The following GSG1L variants were observed in gnomAD, a reference collection of about 807,000 sequenced individuals.
The protein encoded by GSG1L is GSG1 like.
In GSG1L, 24 loss-of-function variants were observed where a neutral mutation model predicts 42.1. The observed-to-expected ratio is 0.57, with a 90% CI of 0.41 to 0.80. GSG1L has a LOEUF of 0.80. GSG1L is among the 30% of genes least tolerant of loss of function. The pLI, the probability that GSG1L is intolerant of heterozygous loss-of-function variation, is 0.00. For missense variants in GSG1L, 445 were observed against 472.2 expected (o/e 0.94, Z 0.53); for synonymous variants, 215 against 203.5 (o/e 1.06, Z -0.48).
intron 1 of GSG1L, among the ~76,000 whole-genome samples, chr16:28,024,663 T>C (rs569618566): frequency 6.6e-6 from 1 of 152,266 alleles, no homozygotes; most frequent in East Asian, 1.9e-4. Context: ...GCCAGCCAGG[T>C]GACCTTAAAC....
intron 3 of GSG1L, among the ~76,000 whole-genome samples, chr16:27,857,018 C>T (rs2083587464): frequency 1.3e-5 from 2 of 152,174 alleles, no homozygotes; most frequent in African/African-American, 4.8e-5. Context: ...ATTGGTCTCT[C>T]TTCGATTGGG....
intron 1 of GSG1L, among the ~76,000 whole-genome samples, chr16:27,988,809 C>G (rs1489311551): frequency 6.7e-6 from 1 of 149,730 alleles, no homozygotes; most frequent in African/African-American, 2.5e-5. Flanking sequence ...AATCCCAGCA[C>G]TTTGGGAGGC....
At chr16:28,019,687 G>A (rs1555514445) in intron 1 of GSG1L, among the ~76,000 whole-genome samples, 1 of 152,196 alleles carries the variant, frequency 6.6e-6, no homozygotes, top group Non-Finnish European at 1.5e-5. Flanking sequence ...TTACAGGACA[G>A]CTCAAGCATC....
At chr16:28,023,242 C>T (rs1407687366) in intron 1 of GSG1L, among the ~76,000 whole-genome samples, 1 of 152,194 alleles carries the variant, frequency 6.6e-6, no homozygotes, top group African/African-American at 2.4e-5. Context: ...TTTCTAAGCA[C>T]TGCTTTTTTC....
chr16:27,970,823 A>G (rs1055553164), intron 1 of GSG1L, among the ~76,000 whole-genome samples: 1 of 152,138 alleles, frequency 6.6e-6, no homozygotes, highest in South Asian at 2.1e-4. Context: ...TTTAGAGATG[A>G]TTTATGTGTA....
In GSG1L at chr16:27,990,602, C is replaced by T. The variant is rs1004279759; in HGVS notation, c.350-27399G>A. Among the ~76,000 whole-genome samples the T allele has an allele frequency of 4.6e-5, 7 of 152,302 alleles. No homozygotes were observed. The Middle Eastern group carries it at 0.017, about 370-fold the overall frequency. On this transcript the variant is annotated intron_variant, in intron 1 of 6. Transcript: ENST00000447459. ...CTGACCTGTGATAAATAAAGAATGA[C>T]ACTTTCTAGCAGGTCCAGGAACCTC...
intron 1 of GSG1L, among the ~76,000 whole-genome samples, chr16:28,001,771 A>G (rs1219590094): frequency 1.3e-5 from 2 of 152,226 alleles, no homozygotes; most frequent in African/African-American, 4.8e-5. Context: ...AGTATGTATC[A>G]GCCCAGAAGG....
chr16:27,859,623 T>A lies in GSG1L; in HGVS notation c.551-14562A>T, dbSNP rs1295920781. Reference sequence around the variant, plus strand: ...CCAAAGACCGTCAGCTCTTCTCATCTGTTACATTCCTTGAGCAGGAGTTGG... The same window carrying A: ...CCAAAGACCGTCAGCTCTTCTCATCAGTTACATTCCTTGAGCAGGAGTTGG... On this transcript the variant is annotated intron_variant, in intron 3 of 6. Coordinates refer to ENST00000447459, the MANE Select transcript of GSG1L (RefSeq NM_001109763.2). Among the ~76,000 whole-genome samples the A allele has an allele frequency of 2.6e-5, 4 of 152,268 alleles. No individual in the cohort carries two copies. The East Asian group carries it at 5.8e-4, about 22-fold the overall frequency.
chr16:28,008,637 C>T (rs2085673304), intron 1 of GSG1L, among the ~76,000 whole-genome samples: 1 of 152,190 alleles, frequency 6.6e-6, no homozygotes, highest in South Asian at 2.1e-4. Context: ...TGCATCACCT[C>T]CCTTCCTGCC....
intron 3 of GSG1L, among the ~76,000 whole-genome samples, chr16:27,874,810 C>T (rs550382573): frequency 2.0e-5 from 3 of 152,126 alleles, no homozygotes; most frequent in Non-Finnish European, 2.9e-5. Flanking sequence ...TTCTGAATTC[C>T]GTGAATCATT....
intron 1 of GSG1L, among the ~76,000 whole-genome samples, chr16:27,999,653 C>A (rs1001330327): frequency 1.3e-5 from 2 of 152,172 alleles, no homozygotes; most frequent in African/African-American, 4.8e-5. Flanking sequence ...TAACTTAATT[C>A]TTCACAATAC....
At chr16:28,026,959 G>T (rs1441599380) in intron 1 of GSG1L, among the ~76,000 whole-genome samples, 3 of 152,188 alleles carry the variant, frequency 2.0e-5, no homozygotes, top group Admixed American at 2.0e-4. Flanking sequence ...GTGCACACAT[G>T]TAATTCCAGC....
intron 2 of GSG1L, among the ~76,000 whole-genome samples, chr16:27,945,531 A>T (rs2084851320): frequency 6.6e-6 from 1 of 152,182 alleles, no homozygotes; most frequent in Admixed American, 6.5e-5. Flanking sequence ...GAGGCCAGAG[A>T]TTCTGCAGAC....
chr16:27,943,989 T>C (rs1488484976), intron 2 of GSG1L, among the ~76,000 whole-genome samples: 1 of 152,122 alleles, frequency 6.6e-6, no homozygotes, highest in East Asian at 1.9e-4. Context: ...CTGATAAAAC[T>C]TTATTTACAA....
chr16:27,854,324 A>C, intron 3 of GSG1L, among the ~76,000 whole-genome samples: 1 of 95,876 alleles, frequency 1.0e-5, no homozygotes, highest in Non-Finnish European at 2.0e-5. Context: ...AGGAGAAGGA[A>C]AAGGGGGAGG....
intron 1 of GSG1L, among the ~76,000 whole-genome samples, chr16:28,031,432 A>G (rs1474640470): frequency 6.7e-6 from 1 of 149,252 alleles, no homozygotes; most frequent in Non-Finnish European, 1.5e-5. Context: ...ATGGGTTGGC[A>G]TGGGATGATG....
intron 5 of GSG1L, among the ~76,000 whole-genome samples, chr16:27,810,875 T>TG (rs1597465730): frequency 1.3e-5 from 2 of 151,992 alleles, no homozygotes; most frequent in Non-Finnish European, 2.9e-5. Context: ...TTAGTAGAGA[T>TG]GGGGGTCTCG....
At chr16:27,812,453 C>G (rs1350914643) in intron 5 of GSG1L, among the ~76,000 whole-genome samples, 1 of 152,218 alleles carries the variant, frequency 6.6e-6, no homozygotes, top group Non-Finnish European at 1.5e-5. Flanking sequence ...CAACTCTGCC[C>G]CTGCCGTGAA....
At chr16:27,849,522 T>C (rs1352095036) in intron 3 of GSG1L, among the ~76,000 whole-genome samples, 1 of 151,970 alleles carries the variant, frequency 6.6e-6, no homozygotes, top group Non-Finnish European at 1.5e-5. Context: ...CTCTGAGGTA[T>C]GTTTAGTTTG....
Sources: gnomAD v4.1 joint callset for allele counts (sites outside exome capture counted in the v4.1 genomes callset) on GRCh38, gnomAD v4.1.1 for gene constraint, MANE v1.5 for transcripts, NCBI Gene and HGNC (gene_info 2026-07-23, HGNC 2026-07-21) for gene names.